Variants in ACAP1 observed in about 807,000 individuals in gnomAD.
ACAP1 encodes the protein ArfGAP with coiled-coil, ankyrin repeat and PH domains 1, also known as arf-GAP with coiled-coil, ANK repeat and PH domain-containing protein 1.
In ACAP1, 45 loss-of-function variants were observed where a neutral mutation model predicts 98.8. The observed-to-expected ratio is 0.46, with a 90% CI of 0.36 to 0.58. The LOEUF is 0.58. Ranked by LOEUF, ACAP1 falls within the 20% of genes least tolerant of loss-of-function variation. The pLI is 0.00. For missense variants in ACAP1, 735 were observed against 971.4 expected, an observed-to-expected ratio of 0.76 and a Z score of 3.24; for synonymous variants, 362 against 375.3, an observed-to-expected ratio of 0.96 and a Z score of 0.41.
chr17:7,343,934 A>G lies in ACAP1; in HGVS notation c.647A>G (p.Tyr216Cys), dbSNP rs1318019972. Residue 216 changes from tyrosine to cysteine, a missense_variant, in exon 8 of 22, where the codon TAT becomes TGT. Around this residue, in one of 5 missense-constraint regions of ACAP1, gnomAD observed 430 missense variants for 531.8 expected, o/e 0.81. Transcript: ENST00000158762. This position sits in a 1 kb window ranked among gnomAD's most constrained non-coding sequence, Gnocchi z 4.9. Reference protein sequence around the residue: ...GHEELSRLSQYRKELGAQLHQ... With the variant: ...GHEELSRLSQCRKELGAQLHQ... Reference sequence around the variant, plus strand: ...GAGGAGCTGAGCCGGCTGTCCCAGTATCGAAAGGAGCTGGGCGCCCAGGTG... The same window carrying G: ...GAGGAGCTGAGCCGGCTGTCCCAGTGTCGAAAGGAGCTGGGCGCCCAGGTG... The G allele has an allele frequency of 2.5e-6, 4 of 1,600,166 alleles. No individual in the cohort carries two copies. In the South Asian group the frequency reaches 3.3e-5, roughly 13 times the overall value.
chr17:7,338,331 G>A (rs1159439663), intron 2 of ACAP1, among the ~76,000 whole-genome samples: 2 of 151,942 alleles, frequency 1.3e-5, no homozygotes, highest in African/African-American at 4.8e-5. Flanking sequence ...TCGGCTTACT[G>A]GAACCTCCAC....
intron 10 of ACAP1, 79 bp from the exon 11 acceptor site, chr17:7,346,165 C>T: frequency 3.6e-6 from 5 of 1,397,082 alleles, no homozygotes; most frequent in Non-Finnish European, 5.1e-6. Context: ...GTAAGATCCT[C>T]ATGGGCAAAA....
At chr17:7,342,822 C>T in intron 5 of ACAP1, 5 of 333,692 alleles carry the variant, frequency 1.5e-5, no homozygotes, top group South Asian at 1.3e-4. Context: ...GCAGGAGAAT[C>T]ATTTGAACCC....
In ACAP1 at chr17:7,344,064, T is replaced by C; in HGVS notation, c.685T>C (p.Leu229=). ...ELGAQLHQLV[L]NSAREKRDME... is the part of the protein sequence containing the mutation. ...CTGTGCCCAGTTGCACCAGCTGGTC[T>C]TGAATTCAGCACGAGAGAAGAGGGA... The change falls in exon 9 of 22, where the codon TTG becomes CTG. Residue 229 remains leucine, a synonymous_variant. Coordinates refer to ENST00000158762, the MANE Select transcript of ACAP1 (RefSeq NM_014716.4). The surrounding 1 kb of genome is among the most constrained non-coding windows in gnomAD (Gnocchi z 4.9). 6.3e-7 allele frequency: 1 copy of C among 1,593,760 alleles called. No individual in the cohort carries two copies. The highest frequency in any genetic ancestry group is 8.6e-7 in the Non-Finnish European group (1 of 1,169,564).
In ACAP1 at chr17:7,344,648, G is replaced by C; in HGVS notation, c.854G>C (p.Arg285Thr). ...RASNAFKTWSRRWFTIQSNQL... is the reference protein window; with the variant it reads ...RASNAFKTWSTRWFTIQSNQL... ...AGCAACGCATTTAAGACCTGGAGCA[G>C]GTGAGGAGAGGACACCCCCAATCAG... Residue 285 changes from arginine (R) to threonine (T), a missense_variant and splice_region_variant, in exon 10 of 22, where the codon AGA becomes ACA. Arg to Thr is a moderately conservative substitution (Grantham distance 71). Transcript: ENST00000158762. The surrounding 1 kb of genome is among the most constrained non-coding windows in gnomAD (Gnocchi z 4.9). 1 of 1,550,060 alleles carries C rather than the reference G, an allele frequency of 6.5e-7. No individual in the cohort carries two copies. Among genetic ancestry groups the C allele is most frequent in the Non-Finnish European group, 8.7e-7 (1 of 1,145,552 alleles).
Position 7,343,978 on chromosome 17 carries a change from G to A in ACAP1, c.669+22G>A. 6.3e-7 allele frequency: 1 copy of A among 1,577,252 alleles called. No individual in the cohort carries two copies. The highest frequency in any genetic ancestry group is 8.6e-7 in the Non-Finnish European group (1 of 1,160,776). Reference sequence around the variant, plus strand: ...CCAGGTGGGGCCCCAGGGCACAGCAGGTGGTAGAGGGAGGTTAGGGACTCC... The same window carrying A: ...CCAGGTGGGGCCCCAGGGCACAGCAAGTGGTAGAGGGAGGTTAGGGACTCC... On this transcript the variant is annotated intron_variant, in intron 8 of 21. Transcript: ENST00000158762. The surrounding 1 kb of genome is among the most constrained non-coding windows in gnomAD (Gnocchi z 4.9).
At chr17:7,337,473 AC>A in intron 2 of ACAP1, 104 bp downstream of exon 2, 1 of 1,063,938 alleles carries the variant, frequency 9.4e-7, no homozygotes, top group Non-Finnish European at 1.5e-6. Context: ...ATTATTGAAT[AC>A]TGTGTAGGGG....
chr17:7,346,183 C>A, intron 10 of ACAP1, 61 bp from the exon 11 acceptor site: 1 of 1,523,470 alleles, frequency 6.6e-7, no homozygotes, highest in Non-Finnish European at 9.1e-7. Context: ...AAAAGCACAG[C>A]CTCTCTTCCG....
intron 2 of ACAP1, among the ~76,000 whole-genome samples, chr17:7,341,489 G>A (rs1012948854): frequency 2.6e-5 from 4 of 152,314 alleles, no homozygotes; most frequent in Admixed American, 6.5e-5. Context: ...CGACTGGCCC[G>A]CCTTGGCCTC....
chr17:7,339,753 C>T (rs930905247), intron 2 of ACAP1, among the ~76,000 whole-genome samples: 6 of 152,184 alleles, frequency 3.9e-5, no homozygotes, highest in Non-Finnish European at 5.9e-5. Context: ...TACTTTATCA[C>T]GTGTATGGAT....
chr17:7,346,914 C>A lies in ACAP1; in HGVS notation c.1114C>A (p.Pro372Thr). ...CAGTCAGGCTCGCCTTGATGACAGC[C>A]CCCGGGGTCCAGGCCAGGTACCTTA... ...AFSQARLDDSPRGPGQGSGHL... is the reference protein window; with the variant it reads ...AFSQARLDDSTRGPGQGSGHL... Residue 372 changes from proline to threonine, a missense_variant, in exon 13 of 22, where the codon CCC (proline) becomes ACC (threonine). Pro to Thr is a conservative substitution (Grantham distance 38). Transcript: ENST00000158762. 2.5e-6 allele frequency: 4 copies of A among 1,612,290 alleles called. No individual in the cohort carries two copies. The highest frequency in any genetic ancestry group is 2.5e-6 in the Non-Finnish European group (3 of 1,178,590).
rs770192849 is a variant in ACAP1 at position 7,351,397 on chromosome 17, C to T, written c.*2C>T. ...AGTCATGACCTCCACACGCTGTGAC[C>T]CGAGGCCCACGGGGCCCGCGCCTGC... On this transcript the variant is annotated 3_prime_UTR_variant, in exon 22 of 22. Coordinates refer to ENST00000158762, the MANE Select transcript of ACAP1 (RefSeq NM_014716.4). 19 of 1,606,922 alleles carry T rather than the reference C, an allele frequency of 1.2e-5. No individual in the cohort carries two copies. The South Asian group carries it at 2.1e-4, about 18-fold the overall frequency.
chr17:7,348,711 A>G (rs1355612299), intron 17 of ACAP1: 3 of 560,182 alleles, frequency 5.4e-6, no homozygotes, highest in Admixed American at 3.4e-5. Flanking sequence ...GGAGAGAGAG[A>G]GGGGGTGGGT....
chr17:7,340,648 C>T (rs2073266827), intron 2 of ACAP1, among the ~76,000 whole-genome samples: 1 of 152,122 alleles, frequency 6.6e-6, no homozygotes. Context: ...AGTTCGAGAC[C>T]AGCCTGGTCA....
At position 7,343,460 on chromosome 17, in the gene ACAP1, A is replaced by G; in HGVS notation, c.426A>G (p.Ala142=). 1.2e-6 allele frequency: 2 copies of G among 1,614,152 alleles called. No homozygotes were observed. Among genetic ancestry groups the G allele is most frequent in the Non-Finnish European group, 1.7e-6 (2 of 1,180,016 alleles). ...ESLEAALTHN[A]EVPRRRAQEA... ...TGGAGGCTGCCCTGACCCACAACGC[A>G]GAGGTTCCCAGGCGCCGGGCCCAGG... The change falls in exon 6 of 22, where the codon GCA becomes GCG. Residue 142 remains alanine, a synonymous_variant. Coordinates refer to ENST00000158762, the MANE Select transcript of ACAP1 (RefSeq NM_014716.4). The surrounding 1 kb of genome is among the most constrained non-coding windows in gnomAD (Gnocchi z 4.9).
Position 7,346,890 on chromosome 17 carries a change from A to C in ACAP1, c.1090A>C (p.Ser364Arg). 1 of 1,613,254 alleles carries C rather than the reference A, an allele frequency of 6.2e-7. No individual in the cohort carries two copies. Among genetic ancestry groups the C allele is most frequent in the Non-Finnish European group, 8.5e-7 (1 of 1,179,300 alleles). The change falls in exon 13 of 22, where the codon AGT (serine) becomes CGT (arginine). Residue 364 changes from serine (S) to arginine (R), a missense_variant. By Grantham distance (110) the Ser-to-Arg change is moderately radical. Around this residue, in one of 5 missense-constraint regions of ACAP1, gnomAD observed 430 missense variants for 531.8 expected, o/e 0.81. Coordinates refer to ENST00000158762, the MANE Select transcript of ACAP1 (RefSeq NM_014716.4). ...AVQSSIASAF[S>R]QARLDDSPRG... ...GCAGAGCAGCATTGCTTCTGCCTTC[A>C]GTCAGGCTCGCCTTGATGACAGCCC... is the stretch of plus-strand genomic sequence containing the variant.
chr17:7,347,644 A>C (rs1196362834), intron 14 of ACAP1: 1 of 564,728 alleles, frequency 1.8e-6, no homozygotes, highest in Non-Finnish European at 3.2e-6. Context: ...TCCAGGCCAA[A>C]GTGTCACAAG....
rs2073374563 is a variant in ACAP1, at chr17:7,348,848, C to T, written c.1679-147C>T. 1.2e-5 allele frequency: 9 copies of T among 744,754 alleles called. No individual in the cohort carries two copies. The South Asian group carries it at 1.6e-4, about 13-fold the overall frequency. The allele number at this position is 744,754 out of a possible 1,614,324, so 46.1% of individuals were successfully genotyped here. A position where few individuals can be genotyped will look rare whatever the true frequency, so the allele number is the denominator to read the frequency against. ...GCATACGCATACTTACACATACCCA[C>T]ACTTGCATCACTCTATTCCCTCCAC... On this transcript the variant is annotated intron_variant, in intron 17 of 21. Coordinates refer to ENST00000158762, the MANE Select transcript of ACAP1 (RefSeq NM_014716.4).
At chr17:7,347,386 TGGG>T in intron 14 of ACAP1, 144 bp downstream of exon 14, 2 of 864,990 alleles carry the variant, frequency 2.3e-6, no homozygotes, top group Non-Finnish European at 3.4e-6. Context: ...GTACCAGGCC[TGGG>T]CCCAAGCCTC....
Sources: allele counts gnomAD v4.1 joint callset (sites outside exome capture counted in the v4.1 genomes callset), GRCh38; gene constraint gnomAD v4.1.1; regional missense constraint gnomAD v4.1.1; non-coding constraint Gnocchi (gnomAD v3.1); transcripts MANE v1.5; gene names NCBI Gene and HGNC (gene_info 2026-07-23, HGNC 2026-07-21).